The following PELI1 variants were observed in gnomAD, a reference collection of about 807,000 sequenced individuals.
The protein encoded by PELI1 is pellino E3 ubiquitin protein ligase 1, also known as E3 ubiquitin-protein ligase pellino homolog 1.
A neutral mutation model predicts 41.3 loss-of-function variants in PELI1; 15 were observed. The observed-to-expected ratio is 0.36, with a 90% CI of 0.24 to 0.56. The LOEUF (loss-of-function observed/expected upper bound fraction) is 0.56. PELI1 is among the 20% of genes least tolerant of loss of function. The pLI is 0.82. For missense variants in PELI1, 403 were observed against 525.5 expected (o/e 0.77, Z 2.28); for synonymous variants, 178 against 180.1 (o/e 0.99, Z 0.09).
chr2:64,102,347 C>T (rs1215403265), intron 3 of PELI1, among the ~76,000 whole-genome samples: 3 of 151,756 alleles, frequency 2.0e-5, no homozygotes, highest in South Asian at 2.1e-4. Context: ...TATATACACA[C>T]GCACACACAC....
intron 2 of PELI1, among the ~76,000 whole-genome samples, chr2:64,105,911 TG>T (rs1276242398): frequency 6.6e-6 from 1 of 152,002 alleles, no homozygotes; most frequent in East Asian, 1.9e-4. Context: ...GAGGAGGAAG[TG>T]ATTATAAAAT....
intron 1 of PELI1, among the ~76,000 whole-genome samples, chr2:64,132,188 C>T (rs998777242): frequency 6.6e-6 from 1 of 152,080 alleles, no homozygotes; most frequent in Non-Finnish European, 1.5e-5. Flanking sequence ...TGCTTGACAT[C>T]GTGCTGAGAA....
intron 1 of PELI1, among the ~76,000 whole-genome samples, chr2:64,129,701 C>T (rs1246822828): frequency 6.6e-6 from 1 of 152,040 alleles, no homozygotes; most frequent in Admixed American, 6.5e-5. Context: ...TCTTCAAAAG[C>T]CCACTTTAAA....
intron 1 of PELI1, among the ~76,000 whole-genome samples, chr2:64,140,455 G>C (rs570539369): frequency 6.6e-6 from 1 of 152,052 alleles, no homozygotes; most frequent in East Asian, 1.9e-4. Context: ...ACAACATTCC[G>C]AAAAATTGTC....
At chr2:64,107,153 T>A (rs560021362) in intron 2 of PELI1, among the ~76,000 whole-genome samples, 82 of 152,264 alleles carry the variant, frequency 5.4e-4, no homozygotes, top group African/African-American at 1.8e-3. Context: ...GGTCTCGAAC[T>A]CCTGAGCTCA....
chr2:64,127,114 G>T (rs947902875), intron 1 of PELI1, among the ~76,000 whole-genome samples: 6 of 152,168 alleles, frequency 3.9e-5, no homozygotes, highest in Non-Finnish European at 7.4e-5. Context: ...CCAAAGAAAA[G>T]ATTCCCTTAA....
intron 1 of PELI1, among the ~76,000 whole-genome samples, chr2:64,122,057 A>G (rs1681234682): frequency 6.6e-6 from 1 of 152,126 alleles, no homozygotes; most frequent in Non-Finnish European, 1.5e-5. Flanking sequence ...TTTGCTTCTC[A>G]TATATGCTTT....
intron 1 of PELI1, among the ~76,000 whole-genome samples, chr2:64,111,239 T>C (rs552866733): frequency 3.9e-5 from 6 of 152,232 alleles, no homozygotes; most frequent in African/African-American, 1.4e-4. Context: ...TACAATGAAA[T>C]ACAGCCTGTG....
intron 1 of PELI1, among the ~76,000 whole-genome samples, chr2:64,141,593 C>G (rs1334305455): frequency 6.6e-6 from 1 of 152,136 alleles, no homozygotes; most frequent in African/African-American, 2.4e-5. Context: ...ACAGTCCTTA[C>G]CACCTGACCT....
chr2:64,121,192 A>G (rs1681197939), intron 1 of PELI1, among the ~76,000 whole-genome samples: 1 of 152,174 alleles, frequency 6.6e-6, no homozygotes, highest in African/African-American at 2.4e-5. Context: ...GGCATATTCT[A>G]GGGTTTGCTG....
In PELI1 at chr2:64,114,156, ATG is replaced by A. The variant is rs537569660; in HGVS notation, c.-69-5779_-69-5778del. 1.6e-3 allele frequency among the ~76,000 whole-genome samples: 250 copies of A among 152,346 alleles called. 1 individual carries two copies. Among genetic ancestry groups the A allele is most frequent in the African/African-American group, 4.9e-3 (204 of 41,588 alleles). Reference sequence around the variant, plus strand: ...TAACATTTTTTTATGATGAAAAACAATGTGGACTGCATATATTATCTCAGATA... The same window carrying A: ...TAACATTTTTTTATGATGAAAAACAATGGACTGCATATATTATCTCAGATA... On this transcript the variant is annotated intron_variant, in intron 1 of 6. Transcript: ENST00000358912.
intron 1 of PELI1, among the ~76,000 whole-genome samples, chr2:64,122,631 G>A (rs1318037575): frequency 1.4e-4 from 21 of 152,058 alleles, no homozygotes; most frequent in Admixed American, 1.4e-3. Context: ...CACTCCACTG[G>A]TGACTCTTAG....
chr2:64,130,069 T>A (rs972379970), intron 1 of PELI1, among the ~76,000 whole-genome samples: 1 of 152,248 alleles, frequency 6.6e-6, no homozygotes, highest in African/African-American at 2.4e-5. Flanking sequence ...CTTTTGATTT[T>A]GAGATTTTGA....
chr2:64,112,331 A>G (rs1239341378), intron 1 of PELI1, among the ~76,000 whole-genome samples: 1 of 152,174 alleles, frequency 6.6e-6, no homozygotes, highest in Non-Finnish European at 1.5e-5. Context: ...GGAATTTGGG[A>G]GCTGGAAAAA....
At chr2:64,131,377 C>T (rs1681550358) in intron 1 of PELI1, among the ~76,000 whole-genome samples, 1 of 151,872 alleles carries the variant, frequency 6.6e-6, no homozygotes, top group Non-Finnish European at 1.5e-5. Context: ...GGACCTCTGA[C>T]TTATAATACC....
intron 4 of PELI1, 47 bp downstream of exon 4, chr2:64,100,351 T>C (rs1384749292): frequency 1.1e-6 from 1 of 935,734 alleles, no homozygotes; most frequent in Non-Finnish European, 1.8e-6. Flanking sequence ...CAATAGATTT[T>C]TAACTTTTTC....
intron 1 of PELI1, among the ~76,000 whole-genome samples, chr2:64,124,852 T>C (rs7574193): frequency 0.23 from 34,471 of 151,922 alleles, 5,186 homozygotes; most frequent in East Asian, 0.74. Context: ...AAAGGGCTCA[T>C]GCCACAAGAC....
At chr2:64,131,577 G>T (rs762562687) in intron 1 of PELI1, among the ~76,000 whole-genome samples, 22 of 151,790 alleles carry the variant, frequency 1.4e-4, no homozygotes, top group Non-Finnish European at 2.9e-4. Context: ...AGAAACGACA[G>T]GATCCTAACC....
chr2:64,103,896 T>C (rs1191786642), intron 3 of PELI1, among the ~76,000 whole-genome samples: 1 of 152,180 alleles, frequency 6.6e-6, no homozygotes, highest in Non-Finnish European at 1.5e-5. Context: ...TATTTGCTCA[T>C]TACAATATTA....
Sources: gnomAD v4.1 joint callset for allele counts (sites outside exome capture counted in the v4.1 genomes callset) on GRCh38, gnomAD v4.1.1 for gene constraint, MANE v1.5 for transcripts, NCBI Gene and HGNC (gene_info 2026-07-23, HGNC 2026-07-21) for gene names.